ABCB11: variants seen among roughly 807,000 people sequenced by gnomAD.
The protein encoded by ABCB11 is bile salt export pump.
Under a neutral mutation model 148.0 loss-of-function variants are expected in ABCB11, and 95 were observed. That is an observed-to-expected ratio of 0.64 (90% CI 0.54 to 0.76). The LOEUF (loss-of-function observed/expected upper bound fraction) is 0.76, where lower values mean the gene tolerates loss of function less well. Ranked by LOEUF, ABCB11 falls within the 30% of genes least tolerant of loss-of-function variation. The probability of loss-of-function intolerance (pLI) is 0.00; values close to 1 mark genes in which losing one functional copy is unlikely to be tolerated. For synonymous variants in ABCB11, 591 were observed against 555.4 expected, an observed-to-expected ratio of 1.06 and a Z score of -0.90; for missense variants, 1,523 against 1,617.8, an observed-to-expected ratio of 0.94 and a Z score of 1.01.
chr2:168,916,233 G>C (rs932608028), downstream of ABCB11, among the ~76,000 whole-genome samples: 1 of 152,136 alleles, frequency 6.6e-6, no homozygotes, highest in Non-Finnish European at 1.5e-5. Context: ...CACCCTTAGC[G>C]AACATTTCCA....
chr2:168,924,938 A>T, intron 26 of ABCB11, 135 bp from the exon 27 acceptor site: 1 of 617,542 alleles, frequency 1.6e-6, no homozygotes, highest in Non-Finnish European at 2.6e-6. Context: ...GAGTCCTCCT[A>T]TAGGATGGAG....
chr2:168,919,140 C>T (rs1444369252), downstream of ABCB11, among the ~76,000 whole-genome samples: 3 of 151,458 alleles, frequency 2.0e-5, no homozygotes, highest in Admixed American at 2.0e-4. Flanking sequence ...ACCTACCCCA[C>T]ATATTTTCTT....
At chr2:168,978,202 G>GT (rs1693998574) in intron 11 of ABCB11, among the ~76,000 whole-genome samples, 1 of 130,140 alleles carries the variant, frequency 7.7e-6, no homozygotes, top group African/African-American at 3.0e-5. Context: ...CCAGAGTGCA[G>GT]TAGTGTGATC....
rs755587533 is a variant in ABCB11, at chr2:168,968,443, A to C, written c.2059T>G (p.Tyr687Asp). Residue 687 changes from tyrosine (Y) to aspartate (D), a missense_variant, in exon 17 of 28, where the codon TAC (tyrosine) becomes GAC (aspartate). Coordinates refer to ENST00000650372, the MANE Select transcript of ABCB11 (RefSeq NM_003742.4). ...MLARTFSRGS[Y>D]QDSLRASIRQ... ...TGAGCTTACCTTAAACTATCCTGGT[A>C]GCTCCCTCTGCTAAAGGTCCTCGCA... The C allele has an allele frequency of 6.8e-6, 11 of 1,610,998 alleles. No individual in the cohort carries two copies. The highest frequency in any genetic ancestry group is 9.3e-6 in the Non-Finnish European group (11 of 1,178,454).
At chr2:168,978,826 C>A (rs1241712950) in intron 11 of ABCB11, among the ~76,000 whole-genome samples, 2 of 152,052 alleles carry the variant, frequency 1.3e-5, no homozygotes, top group African/African-American at 4.8e-5. Context: ...CTCAGGTGAT[C>A]CTCCCACCTC....
intron 17 of ABCB11, among the ~76,000 whole-genome samples, chr2:168,966,350 CT>C (rs1457872605): frequency 6.6e-6 from 1 of 151,842 alleles, no homozygotes; most frequent in Admixed American, 6.6e-5. Flanking sequence ...TCCTTGGCCC[CT>C]TGGATATCTA....
intron 11 of ABCB11, among the ~76,000 whole-genome samples, chr2:168,978,664 T>C (rs953180923): frequency 4.6e-5 from 7 of 152,022 alleles, no homozygotes; most frequent in African/African-American, 1.7e-4. Context: ...GGGCATTTTT[T>C]TTTTTTAAAG....
At chr2:168,968,372 A>G in intron 17 of ABCB11, 55 bp downstream of exon 17, 1 of 1,508,736 alleles carries the variant, frequency 6.6e-7, no homozygotes, top group Non-Finnish European at 9.1e-7. Context: ...AGGACTACAG[A>G]GGACTCCTCA....
intron 19 of ABCB11, among the ~76,000 whole-genome samples, chr2:168,946,609 G>T (rs1692334966): frequency 6.6e-6 from 1 of 151,638 alleles, no homozygotes; most frequent in Admixed American, 6.6e-5. Context: ...AAATTACTGT[G>T]CAAATACCCT....
At chr2:169,008,332 C>G (rs970592337) in intron 5 of ABCB11, among the ~76,000 whole-genome samples, 1 of 152,204 alleles carries the variant, frequency 6.6e-6, no homozygotes, top group South Asian at 2.1e-4. Context: ...GCTGCTGACA[C>G]TCCTCGGCTG....
At chr2:168,955,556 A>C (rs1221870275) in intron 19 of ABCB11, among the ~76,000 whole-genome samples, 1 of 151,590 alleles carries the variant, frequency 6.6e-6, no homozygotes, top group Non-Finnish European at 1.5e-5. Flanking sequence ...ACCTTCCACC[A>C]GTTCCCTTCT....
chr2:168,976,495 G>T, intron 12 of ABCB11, 82 bp downstream of exon 12: 2 of 812,170 alleles, frequency 2.5e-6, no homozygotes, highest in East Asian at 2.9e-5. Context: ...TCAGGCTTCA[G>T]AAAATGAGCA....
At position 168,990,915 on chromosome 2, in the gene ABCB11, T is replaced by C. The variant is rs1489020295; in HGVS notation, c.794A>G (p.Lys265Arg). The C allele has an allele frequency of 2.5e-6, 4 of 1,611,886 alleles. No homozygotes were observed. The highest frequency in any genetic ancestry group is 2.5e-6 in the Non-Finnish European group (3 of 1,179,030). ...GAATIGLSVSKFTDYELKAYA... is the reference protein window; with the variant it reads ...GAATIGLSVSRFTDYELKAYA... Reference sequence around the variant, plus strand: ...GGCCTTCAGCTCATAGTCCGTAAACTTGGACACACTCTAAAAATCAAAAAG... The same window carrying C: ...GGCCTTCAGCTCATAGTCCGTAAACCTGGACACACTCTAAAAATCAAAAAG... Residue 265 changes from lysine (K) to arginine (R), a missense_variant, in exon 9 of 28, where the codon AAG becomes AGG. Physicochemically the swap from Lys to Arg is conservative, Grantham distance 26. Coordinates refer to ENST00000650372, the MANE Select transcript of ABCB11 (RefSeq NM_003742.4).
chr2:168,952,687 T>G (rs529365673), intron 19 of ABCB11, among the ~76,000 whole-genome samples: 4,621 of 118,914 alleles, frequency 0.039, 229 homozygotes, highest in African/African-American at 0.1. Flanking sequence ...GTTTTTTTTT[T>G]TTTGTTTGTT....
At chr2:169,021,837 G>T (rs1008656893) in intron 1 of ABCB11, among the ~76,000 whole-genome samples, 2 of 151,680 alleles carry the variant, frequency 1.3e-5, no homozygotes, top group African/African-American at 4.8e-5. Context: ...ATTACATTTG[G>T]CATTTTTATA....
In ABCB11 at chr2:168,931,489, T is replaced by A. The variant is rs533796657; in HGVS notation, c.3214-627A>T. On this transcript the variant is annotated intron_variant, in intron 24 of 27. Coordinates refer to ENST00000650372, the MANE Select transcript of ABCB11 (RefSeq NM_003742.4). ...CTTTGCTTTCTGGAACATACTAAAA[T>A]TTTCAAAAATAGGTAGAGAAGATTT... Among the ~76,000 whole-genome samples the A allele has an allele frequency of 9.5e-4, 145 of 152,292 alleles. 1 individual carries two copies. Among genetic ancestry groups the A allele is most frequent in the African/African-American group, 3.2e-3 (131 of 41,564 alleles).
rs577593891 is a variant in ABCB11, at chr2:169,031,119, C to T, written c.-28+106G>A. 3.3e-5 allele frequency: 5 copies of T among 152,316 alleles called. No individual in the cohort carries two copies. The South Asian group carries it at 8.3e-4, about 25-fold the overall frequency. 9.4% of individuals were successfully genotyped at this position (152,316 alleles called of 1,614,324 possible). On this transcript the variant is annotated intron_variant, in intron 1 of 27. Transcript: ENST00000650372. The stretch of plus-strand genomic sequence containing the variant: ...TCCAAGTATTGTAGCGTTGTTTACA[C>T]TGGACAAGAGACCAATGTTTAATAA...
chr2:168,991,477 T>G (rs1355953578), intron 8 of ABCB11, among the ~76,000 whole-genome samples: 2 of 152,126 alleles, frequency 1.3e-5, no homozygotes, highest in Admixed American at 6.6e-5. Context: ...ACATCTGTAC[T>G]TAACAGTAGA....
intron 9 of ABCB11, among the ~76,000 whole-genome samples, chr2:168,986,537 A>G (rs929139738): frequency 2.6e-5 from 4 of 152,242 alleles, no homozygotes; most frequent in Non-Finnish European, 5.9e-5. Context: ...ATAGTGAGGT[A>G]AGCTTGGCCC....
Sources: gnomAD v4.1 joint callset for allele counts (sites outside exome capture counted in the v4.1 genomes callset) on GRCh38, gnomAD v4.1.1 for gene constraint, MANE v1.5 for transcripts, NCBI Gene and HGNC (gene_info 2026-07-23, HGNC 2026-07-21) for gene names.